OSTN: variants seen among roughly 807,000 people sequenced by gnomAD.
OSTN encodes osteocrin.
A neutral mutation model predicts 12.0 loss-of-function variants in OSTN; 9 were observed. The ratio of observed to expected loss-of-function variants is 0.75; its 90% CI spans 0.45 to 1.30. The LOEUF (loss-of-function observed/expected upper bound fraction) is 1.30, where lower values mean the gene tolerates loss of function less well. Among genes scored for constraint, OSTN ranks in the 50% most tolerant of loss-of-function variants. The pLI is 0.00. For synonymous variants in OSTN, 59 were observed against 56.9 expected (o/e 1.04, Z -0.16); for missense variants, 148 against 152.3 (o/e 0.97, Z 0.15).
intron 3 of OSTN, among the ~76,000 whole-genome samples, chr3:191,246,766 AAGG>A (rs1715443942): frequency 6.6e-6 from 1 of 150,640 alleles, no homozygotes; most frequent in African/African-American, 2.4e-5. Context: ...GAAGGAGGAG[AAGG>A]AGGAGAAGAA....
intron 1 of OSTN, among the ~76,000 whole-genome samples, chr3:191,207,007 G>A (rs369820016): frequency 5.3e-4 from 81 of 152,266 alleles, no homozygotes; most frequent in African/African-American, 1.8e-3. Flanking sequence ...ATTTTAGGCG[G>A]TGTTGTCGGC....
At chr3:191,236,323 G>A (rs957841572) in intron 3 of OSTN, among the ~76,000 whole-genome samples, 1 of 152,048 alleles carries the variant, frequency 6.6e-6, no homozygotes, top group Non-Finnish European at 1.5e-5. Context: ...CTAAGAAGGA[G>A]GTATTGTTAC....
intron 4 of OSTN, among the ~76,000 whole-genome samples, chr3:191,256,008 T>C (rs1715662126): frequency 6.6e-6 from 1 of 152,100 alleles, no homozygotes; most frequent in African/African-American, 2.4e-5. Context: ...AAACTTTGGA[T>C]TGTGGCTGAT....
At chr3:191,209,148 A>C (rs1373219374) in intron 1 of OSTN, among the ~76,000 whole-genome samples, 1 of 149,894 alleles carries the variant, frequency 6.7e-6, no homozygotes, top group Non-Finnish European at 1.5e-5. Context: ...AACAGAGTGA[A>C]ACTCCATCAC....
At chr3:191,216,294 T>A (rs1714609539) in intron 2 of OSTN, among the ~76,000 whole-genome samples, 1 of 152,210 alleles carries the variant, frequency 6.6e-6, no homozygotes, top group South Asian at 2.1e-4. Flanking sequence ...TAAACCATTT[T>A]TCCCTCCTAG....
At chr3:191,221,606 G>C (rs998348563) in intron 3 of OSTN, among the ~76,000 whole-genome samples, 5 of 152,162 alleles carry the variant, frequency 3.3e-5, no homozygotes, top group South Asian at 2.1e-4. Context: ...CTTTGAACTT[G>C]AGAGAGATGA....
intron 4 of OSTN, among the ~76,000 whole-genome samples, chr3:191,254,708 T>C (rs1211662664): frequency 2.0e-5 from 3 of 152,258 alleles, no homozygotes; most frequent in Non-Finnish European, 4.4e-5. Context: ...ATAGTCCTTA[T>C]TTATTTGCAA....
In OSTN at chr3:191,212,867, C is replaced by CTTT. The variant is rs397991965; in HGVS notation, c.102+252_102+254dup. Among the ~76,000 whole-genome samples the CTTT allele has an allele frequency of 3.4e-3, 318 of 93,098 alleles. 5 individuals are homozygous for CTTT. Among genetic ancestry groups the CTTT allele is most frequent in the East Asian group, 6.1e-3 (19 of 3,094 alleles). The allele number at this position is 93,098 out of a possible 152,430, so 61.1% of individuals were successfully genotyped here. ...GTAAACGTTTCCTTTTCTTTTCTTT[C>CTTT]TTTTTTTTTTTTTTTTTTTTTGAGA... On this transcript the variant is annotated intron_variant, in intron 2 of 4. Transcript: ENST00000682035.
intron 3 of OSTN, among the ~76,000 whole-genome samples, chr3:191,224,139 A>G (rs1696115689): frequency 6.6e-6 from 1 of 152,188 alleles, no homozygotes; most frequent in South Asian, 2.1e-4. Context: ...GCACTTTGGG[A>G]TGCTGAGGCG....
chr3:191,255,601 T>C (rs1277898085), intron 4 of OSTN, among the ~76,000 whole-genome samples: 1 of 152,136 alleles, frequency 6.6e-6, no homozygotes, highest in Non-Finnish European at 1.5e-5. Context: ...CTAAAAATGC[T>C]CACAAATAGT....
chr3:191,216,089 C>G (rs913575090), intron 2 of OSTN, among the ~76,000 whole-genome samples: 9 of 152,202 alleles, frequency 5.9e-5, no homozygotes, highest in Admixed American at 5.2e-4. Flanking sequence ...CAGAGGTCCC[C>G]CAAACTCAAT....
chr3:191,240,654 G>A (rs147826869), intron 3 of OSTN, among the ~76,000 whole-genome samples: 2 of 152,328 alleles, frequency 1.3e-5, no homozygotes, highest in African/African-American at 4.8e-5. Context: ...CAGTGAAAAT[G>A]TTGGCCAGGG....
Position 191,253,391 on chromosome 3 carries a change from G to T in OSTN, c.*12+3258G>T, listed in dbSNP as rs903924057. On this transcript the variant is annotated intron_variant, in intron 4 of 4. Coordinates refer to ENST00000682035, the MANE Select transcript of OSTN (RefSeq NM_198184.2). ...GGGGCCAAATGCCCGCTGAGGTTTT[G>T]CTAACAGTCACTGACATGAGGCAGA... 2.0e-5 allele frequency among the ~76,000 whole-genome samples: 3 copies of T among 152,300 alleles called. No homozygotes were observed. In the East Asian group the frequency reaches 5.8e-4, roughly 29 times the overall value.
At chr3:191,232,477 TA>T (rs1391874335) in intron 3 of OSTN, among the ~76,000 whole-genome samples, 3 of 149,960 alleles carry the variant, frequency 2.0e-5, no homozygotes, top group East Asian at 1.9e-4. Flanking sequence ...CTATTACTAT[TA>T]TTTTTTTCTA....
At chr3:191,209,062 G>C (rs905176037) in intron 1 of OSTN, among the ~76,000 whole-genome samples, 3 of 152,198 alleles carry the variant, frequency 2.0e-5, no homozygotes, top group African/African-American at 7.2e-5. Context: ...AGGAGGCTGA[G>C]GCAGGAGAAT....
rs976019076 is a variant in OSTN, at chr3:191,265,380, T to A, written c.*2527T>A. ...AAAAGGATGTTAGTTACTGGCTATG[T>A]TGTCCTAAAATTTACACACACTAAA... is the stretch of plus-strand genomic sequence containing the variant. On this transcript the variant is annotated 3_prime_UTR_variant, in exon 5 of 5. Coordinates refer to ENST00000682035, the MANE Select transcript of OSTN (RefSeq NM_198184.2). 3.3e-5 allele frequency: 5 copies of A among 152,202 alleles called. No homozygotes were observed. The highest frequency in any genetic ancestry group is 1.2e-4 in the African/African-American group (5 of 41,464). The allele number at this position is 152,202 out of a possible 1,614,324, so 9.4% of individuals were successfully genotyped here.
intron 3 of OSTN, among the ~76,000 whole-genome samples, chr3:191,245,056 T>C (rs1715399654): frequency 6.6e-6 from 1 of 152,202 alleles, no homozygotes; most frequent in Non-Finnish European, 1.5e-5. Flanking sequence ...ACTGGGACAA[T>C]TCTTTACTTA....
chr3:191,225,436 A>T (rs752384432), intron 3 of OSTN, among the ~76,000 whole-genome samples: 2 of 152,088 alleles, frequency 1.3e-5, no homozygotes, highest in Non-Finnish European at 2.9e-5. Flanking sequence ...TTCAGAGAAT[A>T]TTTTTTTAAA....
At chr3:191,205,857 T>C (rs564733568) in intron 1 of OSTN, among the ~76,000 whole-genome samples, 4 of 152,128 alleles carry the variant, frequency 2.6e-5, no homozygotes, top group African/African-American at 4.8e-5. Flanking sequence ...TACTGACTTA[T>C]GCATGATAGG....
Sources: gnomAD v4.1 joint callset for allele counts (sites outside exome capture counted in the v4.1 genomes callset) on GRCh38, gnomAD v4.1.1 for gene constraint, MANE v1.5 for transcripts, NCBI Gene and HGNC (gene_info 2026-07-23, HGNC 2026-07-21) for gene names.